Variants in COL8A1 observed in about 807,000 individuals in gnomAD.
COL8A1 encodes collagen alpha-1(VIII) chain.
In COL8A1, 21 loss-of-function variants were observed where a neutral mutation model predicts 42.7. The ratio of observed to expected loss-of-function variants is 0.49; its 90% CI spans 0.35 to 0.71. COL8A1 has a LOEUF of 0.71. COL8A1 is among the 30% of genes least tolerant of loss of function. COL8A1 has a pLI of 0.01. For synonymous variants in COL8A1, 367 were observed against 369.1 expected, an observed-to-expected ratio of 0.99 and a Z score of 0.06; for missense variants, 788 against 962.4, an observed-to-expected ratio of 0.82 and a Z score of 2.40.
chr3:99,695,600 C>CT (rs1939342735), intron 1 of COL8A1, among the ~76,000 whole-genome samples: 3 of 152,144 alleles, frequency 2.0e-5, no homozygotes, highest in African/African-American at 7.2e-5. Flanking sequence ...CTCTCTCTCT[C>CT]CGTCTTTCCC....
At chr3:99,769,294 C>G (rs1399352563) in intron 2 of COL8A1, among the ~76,000 whole-genome samples, 2 of 152,204 alleles carry the variant, frequency 1.3e-5, no homozygotes, top group Admixed American at 6.5e-5. Context: ...CAACCATTTC[C>G]CGAAGGACAA....
chr3:99,779,177 C>T (rs558238171), intron 2 of COL8A1, among the ~76,000 whole-genome samples: 2 of 152,254 alleles, frequency 1.3e-5, no homozygotes, highest in African/African-American at 4.8e-5. Flanking sequence ...GAAGTATATA[C>T]TGAATTAAGT....
rs115108898 is a variant in COL8A1, at chr3:99,650,159, T to C, written c.-129+11495T>C. Among the ~76,000 whole-genome samples, 763 of 152,218 alleles carry C rather than the reference T, an allele frequency of 5.0e-3. 7 individuals carry two copies. The highest frequency in any genetic ancestry group is 0.017 in the African/African-American group (721 of 41,552). ...TCCTTTTTCCTTTCTCTACAGAAAA[T>C]GTCCCCCATTCTCCTTTCAACCTGT... On this transcript the variant is annotated intron_variant, in intron 1 of 3. Coordinates refer to ENST00000652472, the MANE Select transcript of COL8A1 (RefSeq NM_020351.4).
intron 1 of COL8A1, among the ~76,000 whole-genome samples, chr3:99,687,541 G>C (rs1185305457): frequency 6.6e-6 from 1 of 152,266 alleles, no homozygotes; most frequent in East Asian, 1.9e-4. Context: ...AGGAAGCTGC[G>C]GATGTGCACA....
At chr3:99,648,133 A>G (rs1471821118) in intron 1 of COL8A1, among the ~76,000 whole-genome samples, 1 of 152,146 alleles carries the variant, frequency 6.6e-6, no homozygotes, top group Non-Finnish European at 1.5e-5. Flanking sequence ...TGTCAACCCT[A>G]CAAGAAGGGT....
In COL8A1 at chr3:99,797,769, C is replaced by A. The variant is rs1942130759; in HGVS notation, c.*1633C>A. 6.6e-6 allele frequency: 1 copy of A among 152,184 alleles called. No homozygotes were observed. The highest frequency in any genetic ancestry group is 1.5e-5 in the Non-Finnish European group (1 of 68,040). 9.4% of individuals were successfully genotyped at this position (152,184 alleles called of 1,614,324 possible). On this transcript the variant is annotated 3_prime_UTR_variant, in exon 4 of 4. Transcript: ENST00000652472. ...ACTGTGGAAGGGCTATGTAGAATGT[C>A]AAAGGGCAACAAGAGCCTGTGTTTT...
chr3:99,721,032 G>C (rs1241893037), intron 1 of COL8A1, among the ~76,000 whole-genome samples: 1 of 151,498 alleles, frequency 6.6e-6, no homozygotes, highest in Non-Finnish European at 1.5e-5. Flanking sequence ...AAGAAGGGGA[G>C]GAAAAGATGA....
At chr3:99,749,752 C>T (rs2107411567) in intron 2 of COL8A1, among the ~76,000 whole-genome samples, 1 of 152,198 alleles carries the variant, frequency 6.6e-6, no homozygotes, top group Non-Finnish European at 1.5e-5. Flanking sequence ...CAGAGGTTTG[C>T]TTTCCTCCAT....
intron 1 of COL8A1, among the ~76,000 whole-genome samples, chr3:99,718,673 G>T (rs1399173241): frequency 6.6e-6 from 1 of 152,012 alleles, no homozygotes; most frequent in Non-Finnish European, 1.5e-5. Context: ...GTCCTTAGAA[G>T]TTAACCTTTT....
At chr3:99,774,957 G>A (rs924033180) in intron 2 of COL8A1, among the ~76,000 whole-genome samples, 1 of 152,164 alleles carries the variant, frequency 6.6e-6, no homozygotes, top group African/African-American at 2.4e-5. Context: ...CAAAGTAAAT[G>A]GCCAAGCAAT....
intron 1 of COL8A1, among the ~76,000 whole-genome samples, chr3:99,732,043 A>C (rs1940526009): frequency 1.3e-5 from 2 of 152,162 alleles, no homozygotes; most frequent in African/African-American, 4.8e-5. Context: ...TAGAACCCTC[A>C]GAGGGGGCAT....
At chr3:99,673,411 T>C (rs1436581256) in intron 1 of COL8A1, among the ~76,000 whole-genome samples, 1 of 152,042 alleles carries the variant, frequency 6.6e-6, no homozygotes, top group Non-Finnish European at 1.5e-5. Context: ...ATTAGGGACA[T>C]TGTGCTTCCT....
chr3:99,659,220 G>A (rs1033590131), intron 1 of COL8A1, among the ~76,000 whole-genome samples: 2 of 152,172 alleles, frequency 1.3e-5, no homozygotes, highest in Admixed American at 6.5e-5. Flanking sequence ...ATGAGCTAAC[G>A]CCTAGCTGGC....
chr3:99,775,081 C>G (rs1215955153), intron 2 of COL8A1, among the ~76,000 whole-genome samples: 1 of 152,180 alleles, frequency 6.6e-6, no homozygotes, highest in Admixed American at 6.5e-5. Flanking sequence ...GCCTGAAAGA[C>G]AGACACCACA....
chr3:99,725,356 A>C (rs1421142493), intron 1 of COL8A1, among the ~76,000 whole-genome samples: 3 of 151,990 alleles, frequency 2.0e-5, no homozygotes, highest in Admixed American at 1.3e-4. Flanking sequence ...TTCCTGAAAG[A>C]AGCAGCACAT....
At chr3:99,683,308 C>A (rs1576428773) in intron 1 of COL8A1, among the ~76,000 whole-genome samples, 1 of 151,370 alleles carries the variant, frequency 6.6e-6, no homozygotes, top group African/African-American at 2.4e-5. Flanking sequence ...ATAATAGCTA[C>A]CAATAAAATA....
At chr3:99,698,563 A>C (rs947052907) in intron 1 of COL8A1, among the ~76,000 whole-genome samples, 11 of 152,226 alleles carry the variant, frequency 7.2e-5, no homozygotes, top group African/African-American at 2.7e-4. Context: ...AAGGATGCCA[A>C]AGTAACAGAA....
intron 1 of COL8A1, among the ~76,000 whole-genome samples, chr3:99,645,031 T>G (rs929207241): frequency 4.6e-5 from 7 of 152,124 alleles, no homozygotes; most frequent in Non-Finnish European, 1.0e-4. Flanking sequence ...GTAGGAGGAT[T>G]TCAAATATTA....
intron 1 of COL8A1, among the ~76,000 whole-genome samples, chr3:99,716,811 A>T (rs1940011277): frequency 1.3e-5 from 2 of 152,020 alleles, no homozygotes; most frequent in Admixed American, 1.3e-4. Flanking sequence ...CTCAATCCTC[A>T]TGACTACAAA....
Sources: allele counts gnomAD v4.1 joint callset (sites outside exome capture counted in the v4.1 genomes callset), GRCh38; gene constraint gnomAD v4.1.1; transcripts MANE v1.5; gene names NCBI Gene and HGNC (gene_info 2026-07-23, HGNC 2026-07-21).